The following XKR9 variants were observed in gnomAD, a reference collection of about 807,000 sequenced individuals.
The protein encoded by XKR9 is XK related 9.
Under a neutral mutation model 32.0 loss-of-function variants are expected in XKR9, and 32 were observed. That is an observed-to-expected ratio of 1.00 (90% confidence interval 0.76 to 1.34). The LOEUF (loss-of-function observed/expected upper bound fraction) is 1.34, where lower values mean the gene tolerates loss of function less well. Ranked by LOEUF, XKR9 falls within the 40% of genes most tolerant of loss-of-function variation. The pLI is 0.00. For synonymous variants in XKR9, 168 were observed against 143.4 expected, an observed-to-expected ratio of 1.17 and a Z score of -1.22; for missense variants, 546 against 429.7, an observed-to-expected ratio of 1.27 and a Z score of -2.39.
At chr8:70,807,998 A>G in the XKR9 span, among the ~76,000 whole-genome samples, 8 of 152,242 alleles carry the variant, frequency 5.3e-5, no homozygotes, top group Admixed American at 3.9e-4. Flanking sequence ...TCTAAAATCA[A>G]CCTCATAATT....
At chr8:71,034,533 G>T in the XKR9 span, among the ~76,000 whole-genome samples, 1 of 152,138 alleles carries the variant, frequency 6.6e-6, no homozygotes, top group East Asian at 1.9e-4. Flanking sequence ...TTCATGCTTG[G>T]AGTCCTGAAT....
At chr8:70,922,843 T>C in the XKR9 span, among the ~76,000 whole-genome samples, 4 of 152,214 alleles carry the variant, frequency 2.6e-5, no homozygotes, top group Non-Finnish European at 5.9e-5. Flanking sequence ...TCTCTCATGA[T>C]GTCAGGCTTT....
intron 2 of XKR9, among the ~76,000 whole-genome samples, chr8:70,751,382 G>T (rs1807138605): frequency 6.6e-6 from 1 of 152,144 alleles, no homozygotes; most frequent in African/African-American, 2.4e-5. Context: ...ACCTGACTCA[G>T]CCTCCCAAAT....
chr8:70,745,311 T>G (rs1807043993), intron 2 of XKR9, among the ~76,000 whole-genome samples: 1 of 152,232 alleles, frequency 6.6e-6, no homozygotes, highest in African/African-American at 2.4e-5. Context: ...TTTCCGCAAC[T>G]AAATTTTGGG....
At chr8:70,758,990 A>C (rs1258109892) in intron 2 of XKR9, among the ~76,000 whole-genome samples, 2 of 152,152 alleles carry the variant, frequency 1.3e-5, no homozygotes, top group Non-Finnish European at 2.9e-5. Context: ...TCTGACGGGG[A>C]GGGATCCTTC....
At chr8:70,975,143 C>A in the XKR9 span, among the ~76,000 whole-genome samples, 1,408 of 152,094 alleles carry the variant, frequency 9.3e-3, 5 homozygotes, top group Non-Finnish European at 0.013. Flanking sequence ...GGATATTAGC[C>A]CTCTGTCAGA....
At chr8:71,054,637 C>T in the XKR9 span, among the ~76,000 whole-genome samples, 4 of 152,188 alleles carry the variant, frequency 2.6e-5, no homozygotes. Flanking sequence ...GCTGCTGCTG[C>T]TGCTCTGTTT....
the XKR9 span, among the ~76,000 whole-genome samples, chr8:70,823,763 T>C: frequency 1.3e-5 from 2 of 152,120 alleles, no homozygotes; most frequent in Non-Finnish European, 2.9e-5. Flanking sequence ...AGAGAACTTT[T>C]AGATGGCCAA....
At chr8:70,945,930 A>G in the XKR9 span, among the ~76,000 whole-genome samples, 6 of 152,132 alleles carry the variant, frequency 3.9e-5, no homozygotes, top group African/African-American at 1.4e-4. Context: ...ATGTCAAGAG[A>G]TAGAGACCAT....
At chr8:70,729,296 A>G (rs962848368) in intron 4 of XKR9, among the ~76,000 whole-genome samples, 18 of 152,230 alleles carry the variant, frequency 1.2e-4, no homozygotes, top group Non-Finnish European at 2.2e-4. Context: ...AATGTATTTT[A>G]CTAAATTGTT....
At chr8:70,930,784 C>T in the XKR9 span, among the ~76,000 whole-genome samples, 1 of 152,268 alleles carries the variant, frequency 6.6e-6, no homozygotes, top group Admixed American at 6.5e-5. Flanking sequence ...GTCAGCACTT[C>T]ATTTTTAGCA....
chr8:70,976,143 C>T, the XKR9 span, among the ~76,000 whole-genome samples: 1 of 152,174 alleles, frequency 6.6e-6, no homozygotes, highest in Non-Finnish European at 1.5e-5. Context: ...AGATTTTGGG[C>T]TGAGACAATG....
chr8:70,845,694 G>C, the XKR9 span, among the ~76,000 whole-genome samples: 1 of 151,950 alleles, frequency 6.6e-6, no homozygotes, highest in African/African-American at 2.4e-5. Flanking sequence ...AACAGAAGAA[G>C]CAAATTCAGA....
At chr8:70,814,825 T>A in the XKR9 span, among the ~76,000 whole-genome samples, 1 of 152,222 alleles carries the variant, frequency 6.6e-6, no homozygotes, top group African/African-American at 2.4e-5. Flanking sequence ...TCACTGATGG[T>A]ACAATCTTAT....
At chr8:71,046,016 AAACTAAAGAAGAAGCAGTGTC>A in the XKR9 span, among the ~76,000 whole-genome samples, 1 of 152,118 alleles carries the variant, frequency 6.6e-6, no homozygotes, top group Admixed American at 6.5e-5. Context: ...GAAGAGCATA[AAACTAAAGAAGAAGCAGTGTC>A]TTGTGTTTCT....
Position 70,760,097 on chromosome 8 carries a change from ATATT to A in XKR9, n.353-29237_353-29234del, listed in dbSNP as rs1282796598. 2.0e-5 allele frequency among the ~76,000 whole-genome samples: 3 copies of A among 152,340 alleles called. No homozygotes were observed. The East Asian group carries it at 5.8e-4, about 29-fold the overall frequency. ...AGAATGAATCTAATGAACTTTAAAA[ATATT>A]TATTCAGTTATCAAATTAGCGTATC... is the stretch of plus-strand genomic sequence containing the variant. On this transcript the variant is annotated intron_variant and non_coding_transcript_variant, in intron 2 of 3. Coordinates refer to the XKR9 transcript ENST00000520273.
chr8:71,007,988 A>G, the XKR9 span, among the ~76,000 whole-genome samples: 9 of 152,230 alleles, frequency 5.9e-5, no homozygotes, highest in Non-Finnish European at 1.5e-5. Context: ...AGAAAGACAA[A>G]TAAAGCAAAG....
chr8:71,025,152 G>A, the XKR9 span, among the ~76,000 whole-genome samples: 5 of 77,302 alleles, frequency 6.5e-5, no homozygotes, highest in Admixed American at 2.2e-4. Flanking sequence ...CATAGCTGCC[G>A]TATGAAACCA....
chr8:70,723,778 A>G (rs1218701172), intron 4 of XKR9, among the ~76,000 whole-genome samples: 1 of 152,104 alleles, frequency 6.6e-6, no homozygotes, highest in African/African-American at 2.4e-5. Context: ...CCTCCCAGTC[A>G]GGAGGCACAG....
Sources: gnomAD v4.1 joint callset for allele counts (sites outside exome capture counted in the v4.1 genomes callset) on GRCh38, gnomAD v4.1.1 for gene constraint, MANE v1.5 for transcripts, NCBI Gene and HGNC (gene_info 2026-07-23, HGNC 2026-07-21) for gene names.